GRM8: variants seen among roughly 807,000 people sequenced by gnomAD.
GRM8 encodes the protein metabotropic glutamate receptor 8.
Under a neutral mutation model 87.2 loss-of-function variants are expected in GRM8, and 47 were observed. That is an observed-to-expected ratio of 0.54 (90% CI 0.43 to 0.69). The LOEUF (loss-of-function observed/expected upper bound fraction) is 0.69. GRM8 is among the 30% of genes least tolerant of loss of function. The probability of loss-of-function intolerance (pLI) is 0.00; values close to 1 mark genes in which losing one functional copy is unlikely to be tolerated. For missense variants in GRM8, 1,019 were observed against 1,139.2 expected (o/e 0.89, Z 1.52); for synonymous variants, 396 against 404.5 (o/e 0.98, Z 0.25).
At chr7:126,496,897 A>G (rs1395983978) in intron 9 of GRM8, among the ~76,000 whole-genome samples, 2 of 151,638 alleles carry the variant, frequency 1.3e-5, no homozygotes, top group Non-Finnish European at 2.9e-5. Context: ...TAAACAGCAT[A>G]CATGCACTGT....
At chr7:126,499,692 T>C (rs895817277) in intron 9 of GRM8, among the ~76,000 whole-genome samples, 2 of 151,740 alleles carry the variant, frequency 1.3e-5, no homozygotes, top group African/African-American at 4.8e-5. Flanking sequence ...GAGAGAAAAA[T>C]ATCATCTGAT....
intron 3 of GRM8, among the ~76,000 whole-genome samples, chr7:127,023,382 A>C (rs984485557): frequency 4.6e-5 from 7 of 152,034 alleles, no homozygotes; most frequent in Admixed American, 2.0e-4. Context: ...GGCAAAACCT[A>C]TTTTTAAGTC....
chr7:126,682,528 T>C (rs1023355994), intron 7 of GRM8, among the ~76,000 whole-genome samples: 7 of 152,230 alleles, frequency 4.6e-5, no homozygotes, highest in African/African-American at 1.4e-4. Flanking sequence ...TTGTTTCCTA[T>C]GTAAAGCTTA....
intron 7 of GRM8, among the ~76,000 whole-genome samples, chr7:126,755,694 T>C (rs1816927180): frequency 6.6e-6 from 1 of 151,960 alleles, no homozygotes; most frequent in African/African-American, 2.4e-5. Context: ...CTTATACTGA[T>C]GTTTTTAGTA....
At chr7:126,974,674 T>C (rs1810772177) in intron 3 of GRM8, among the ~76,000 whole-genome samples, 1 of 152,000 alleles carries the variant, frequency 6.6e-6, no homozygotes, top group Admixed American at 6.6e-5. Flanking sequence ...CTCACACCTA[T>C]AATTAATCCC....
intron 6 of GRM8, among the ~76,000 whole-genome samples, chr7:126,801,965 A>G (rs1015681761): frequency 1.3e-5 from 2 of 152,206 alleles, no homozygotes; most frequent in African/African-American, 2.4e-5. Context: ...TTTAACTAAC[A>G]TAAGTAATGT....
intron 7 of GRM8, among the ~76,000 whole-genome samples, chr7:126,631,345 A>C (rs1325802074): frequency 6.6e-6 from 1 of 152,162 alleles, no homozygotes; most frequent in African/African-American, 2.4e-5. Context: ...GGACCTCTTC[A>C]AGGAGAACTA....
At chr7:126,738,392 T>C (rs1814487333) in intron 7 of GRM8, among the ~76,000 whole-genome samples, 2 of 152,046 alleles carry the variant, frequency 1.3e-5, no homozygotes, top group Admixed American at 1.3e-4. Context: ...GAAGAACAGG[T>C]TTGCAAGATA....
chr7:126,966,252 A>G (rs1317216809), intron 3 of GRM8, among the ~76,000 whole-genome samples: 1 of 152,060 alleles, frequency 6.6e-6, no homozygotes, highest in African/African-American at 2.4e-5. Context: ...CTCCCACCTC[A>G]GCCCCACAAG....
chr7:127,198,951 C>T (rs532882329), intron 2 of GRM8, among the ~76,000 whole-genome samples: 112 of 152,038 alleles, frequency 7.4e-4, no homozygotes, highest in South Asian at 1.2e-3. Context: ...AGCAATTCTC[C>T]TGCCTCAGCC....
At chr7:126,823,942 A>G (rs951786868) in intron 6 of GRM8, among the ~76,000 whole-genome samples, 1 of 152,124 alleles carries the variant, frequency 6.6e-6, no homozygotes, top group Admixed American at 6.5e-5. Flanking sequence ...ATATTTCCAT[A>G]TATAAGATAA....
intron 6 of GRM8, among the ~76,000 whole-genome samples, chr7:126,871,389 C>T (rs2130902320): frequency 6.6e-6 from 1 of 152,234 alleles, no homozygotes; most frequent in African/African-American, 2.4e-5. Context: ...TCCGGAGTGC[C>T]TTATACATGT....
chr7:127,151,030 T>C (rs1488661298), intron 2 of GRM8, among the ~76,000 whole-genome samples: 3 of 151,990 alleles, frequency 2.0e-5, no homozygotes, highest in African/African-American at 7.2e-5. Flanking sequence ...ACACATTGGG[T>C]TTTAGCAGAA....
At chr7:126,811,825 C>CT (rs963619777) in intron 6 of GRM8, among the ~76,000 whole-genome samples, 1 of 151,664 alleles carries the variant, frequency 6.6e-6, no homozygotes, top group African/African-American at 2.4e-5. Flanking sequence ...ATTTGGCATC[C>CT]TTTTTTTTCC....
chr7:127,108,020 C>T (rs920180048), intron 2 of GRM8, among the ~76,000 whole-genome samples: 1 of 152,152 alleles, frequency 6.6e-6, no homozygotes, highest in Admixed American at 6.5e-5. Context: ...GCCCATTTAA[C>T]CCCAAATTCT....
intron 6 of GRM8, among the ~76,000 whole-genome samples, chr7:126,839,602 C>T (rs1308584585): frequency 2.0e-5 from 3 of 152,052 alleles, no homozygotes; most frequent in Admixed American, 2.0e-4. Context: ...GACGAGAAAA[C>T]GATGACCTGG....
At chr7:126,490,824 T>C (rs1807919177) in intron 9 of GRM8, among the ~76,000 whole-genome samples, 1 of 152,116 alleles carries the variant, frequency 6.6e-6, no homozygotes, top group Non-Finnish European at 1.5e-5. Context: ...ACTTTTCATA[T>C]AGGTGATCTC....
intron 3 of GRM8, among the ~76,000 whole-genome samples, chr7:126,944,125 G>A (rs1586550106): frequency 6.6e-6 from 1 of 152,190 alleles, no homozygotes; most frequent in African/African-American, 2.4e-5. Context: ...TGTTAAGCCT[G>A]TCCAGAGAGC....
intron 3 of GRM8, among the ~76,000 whole-genome samples, chr7:127,088,045 T>A (rs1823685585): frequency 6.6e-6 from 1 of 152,218 alleles, no homozygotes; most frequent in Non-Finnish European, 1.5e-5. Context: ...ATATTTTCTT[T>A]AAAAATAGAG....
Sources: allele counts gnomAD v4.1 joint callset (sites outside exome capture counted in the v4.1 genomes callset), GRCh38; gene constraint gnomAD v4.1.1; transcripts MANE v1.5; gene names NCBI Gene and HGNC (gene_info 2026-07-23, HGNC 2026-07-21).